HMGB1: variants seen among roughly 807,000 people sequenced by gnomAD.
HMGB1 encodes the protein high mobility group box 1.
For synonymous variants in HMGB1, 81 were observed against 84.0 expected, an observed-to-expected ratio of 0.96 and a Z score of 0.19; for missense variants, 79 against 253.5, an observed-to-expected ratio of 0.31 and a Z score of 4.67.
At chr13:30,532,131 G>A (rs1007097653) in intron 1 of HMGB1, among the ~76,000 whole-genome samples, 12 of 151,936 alleles carry the variant, frequency 7.9e-5, no homozygotes, top group Non-Finnish European at 2.9e-5. Flanking sequence ...AAGGTAAGGA[G>A]TTCGACACCA....
chr13:30,573,463 T>A (rs1870516633), intron 1 of HMGB1, among the ~76,000 whole-genome samples: 2 of 152,238 alleles, frequency 1.3e-5, no homozygotes, highest in African/African-American at 4.8e-5. Flanking sequence ...TTTCTGTGTA[T>A]AATTTTAAAA....
At chr13:30,539,610 C>G in intron 1 of HMGB1, 1 of 275,476 alleles carries the variant, frequency 3.6e-6, no homozygotes, top group Non-Finnish European at 6.8e-6. Context: ...GCTGTATTTT[C>G]CAGCATGAGC....
chr13:30,609,306 T>C (rs538100243), intron 1 of HMGB1, among the ~76,000 whole-genome samples: 3 of 152,122 alleles, frequency 2.0e-5, no homozygotes, highest in Admixed American at 2.0e-4. Context: ...GCCGTGATCA[T>C]TGGTAAGCGT....
At chr13:30,576,875 C>T (rs766663266) in intron 1 of HMGB1, among the ~76,000 whole-genome samples, 11 of 152,118 alleles carry the variant, frequency 7.2e-5, no homozygotes, top group Non-Finnish European at 1.5e-4. Context: ...CTGATTTTAT[C>T]TTCAAATACT....
At chr13:30,476,769 G>A (rs1887107865) in intron 1 of HMGB1, among the ~76,000 whole-genome samples, 1 of 151,710 alleles carries the variant, frequency 6.6e-6, no homozygotes. Flanking sequence ...GGGAGGTTGA[G>A]GCACGAGAAT....
chr13:30,461,837 T>TA (rs2137394181), intron 4 of HMGB1: 1 of 509,194 alleles, frequency 2.0e-6, no homozygotes, highest in Non-Finnish European at 3.4e-6. Context: ...GTAGAGACTT[T>TA]GATTAAAGGG....
At chr13:30,483,368 C>T (rs538149632) in intron 1 of HMGB1, among the ~76,000 whole-genome samples, 1 of 152,168 alleles carries the variant, frequency 6.6e-6, no homozygotes, top group African/African-American at 2.4e-5. Flanking sequence ...CTTTCCCTCA[C>T]TCCCCGCAAC....
At chr13:30,489,733 CTTTT>C (rs1437282347) in intron 1 of HMGB1, among the ~76,000 whole-genome samples, 1 of 138,422 alleles carries the variant, frequency 7.2e-6, no homozygotes, top group Non-Finnish European at 1.5e-5. Context: ...AATGGAATTT[CTTTT>C]TTTTTTTTTT....
At chr13:30,531,296 T>G (rs751635892) in intron 1 of HMGB1, among the ~76,000 whole-genome samples, 1 of 152,126 alleles carries the variant, frequency 6.6e-6, no homozygotes, top group Non-Finnish European at 1.5e-5. Flanking sequence ...AGCCTGCTGA[T>G]TAAAGCTAAT....
At chr13:30,464,761 T>TTGTG (rs376284891) in intron 1 of HMGB1, 5,223 of 164,402 alleles carry the variant, frequency 0.032, 262 homozygotes, top group African/African-American at 0.11. Context: ...CTCCTTCCCT[T>TTGTG]TGTGTGTGTG....
Position 30,512,938 on chromosome 13 carries a change from G to A in HMGB1, c.-14-49244C>T, listed in dbSNP as rs548981844. 2.9e-4 allele frequency among the ~76,000 whole-genome samples: 44 copies of A among 152,276 alleles called. No homozygotes were observed. In the South Asian group the frequency reaches 6.2e-3, roughly 22 times the overall value. ...AGCACTTTGGGAGGCCAAGGTAGGCGAATCATTTGAGGTCAGGAGTTCAAG... is the reference window on the plus strand; with the variant it reads ...AGCACTTTGGGAGGCCAAGGTAGGCAAATCATTTGAGGTCAGGAGTTCAAG... On this transcript the variant is annotated intron_variant, in intron 1 of 4. Coordinates refer to the HMGB1 transcript ENST00000405805.
chr13:30,521,715 T>A (rs904257188), intron 1 of HMGB1, among the ~76,000 whole-genome samples: 2 of 152,126 alleles, frequency 1.3e-5, no homozygotes, highest in East Asian at 3.9e-4. Flanking sequence ...TGTTTTCACG[T>A]CTCTTGGGTA....
intron 1 of HMGB1, chr13:30,464,509 C>T (rs1886587344): frequency 1.0e-6 from 1 of 984,582 alleles, no homozygotes; most frequent in Admixed American, 6.2e-5. Context: ...GGCCGCGCGG[C>T]CGAGGAGAGA....
At chr13:30,463,079 T>C in intron 3 of HMGB1, 128 bp downstream of exon 3, 3 of 934,148 alleles carry the variant, frequency 3.2e-6, no homozygotes, top group Non-Finnish European at 5.0e-6. Context: ...ATAACCAATA[T>C]GAACAAGTAT....
chr13:30,506,465 A>T (rs79490712), intron 1 of HMGB1, among the ~76,000 whole-genome samples: 8,334 of 151,488 alleles, frequency 0.055, 326 homozygotes, highest in East Asian at 0.19. Flanking sequence ...TCTATCACTG[A>T]CCCCTCTGTA....
At chr13:30,568,201 ATGT>A (rs1258301205) in intron 1 of HMGB1, among the ~76,000 whole-genome samples, 4 of 152,152 alleles carry the variant, frequency 2.6e-5, no homozygotes, top group Non-Finnish European at 5.9e-5. Flanking sequence ...GAAACTGTGG[ATGT>A]AACCTTATTT....
chr13:30,474,950 TCTTTTTTTG>T (rs1887041362), intron 1 of HMGB1, among the ~76,000 whole-genome samples: 1 of 115,050 alleles, frequency 8.7e-6, no homozygotes. Flanking sequence ...TTTTTTCTTT[TCTTTTTTTG>T]TTTTTTTTTT....
chr13:30,490,438 G>A (rs1168062051), intron 1 of HMGB1, among the ~76,000 whole-genome samples: 4 of 151,996 alleles, frequency 2.6e-5, no homozygotes, highest in African/African-American at 4.8e-5. Flanking sequence ...TGGCCAACAC[G>A]GCAAAACCCT....
At chr13:30,500,690 C>T (rs1464990768) in intron 1 of HMGB1, among the ~76,000 whole-genome samples, 1 of 151,246 alleles carries the variant, frequency 6.6e-6, no homozygotes, top group African/African-American at 2.4e-5. Context: ...CACAGGTGTG[C>T]AGCATCACAC....
Sources: gnomAD v4.1 joint callset for allele counts (sites outside exome capture counted in the v4.1 genomes callset) on GRCh38, gnomAD v4.1.1 for gene constraint, MANE v1.5 for transcripts, NCBI Gene and HGNC (gene_info 2026-07-23, HGNC 2026-07-21) for gene names.